The following KCNIP4 variants were observed in gnomAD, a reference collection of about 807,000 sequenced individuals.
KCNIP4 encodes Kv channel-interacting protein 4.
Under a neutral mutation model 34.0 loss-of-function variants are expected in KCNIP4, and 12 were observed. The ratio of observed to expected loss-of-function variants is 0.35; its 90% CI spans 0.23 to 0.57. The LOEUF (loss-of-function observed/expected upper bound fraction) is 0.57. Among genes scored for constraint, KCNIP4 ranks in the 20% least tolerant of loss-of-function variants. KCNIP4 has a pLI of 0.83. For synonymous variants in KCNIP4, 124 were observed against 102.2 expected (o/e 1.21, Z -1.29); for missense variants, 238 against 311.7 (o/e 0.76, Z 1.78).
At chr4:21,216,406 A>T (rs1757579404) in intron 1 of KCNIP4, among the ~76,000 whole-genome samples, 1 of 152,214 alleles carries the variant, frequency 6.6e-6, no homozygotes, top group African/African-American at 2.4e-5. Flanking sequence ...AAGTGTGTTA[A>T]TTGCTGTGAA....
chr4:21,494,311 C>T (rs1732661642), intron 1 of KCNIP4, among the ~76,000 whole-genome samples: 1 of 152,006 alleles, frequency 6.6e-6, no homozygotes, highest in African/African-American at 2.4e-5. Flanking sequence ...TAAGGATTGA[C>T]TTAGAAAATT....
At position 20,869,587 on chromosome 4, in the gene KCNIP4, TG is replaced by T. The variant is rs1447803647; in HGVS notation, c.163+13020del. On this transcript the variant is annotated intron_variant, in intron 2 of 8. Coordinates refer to ENST00000382152, the MANE Select transcript of KCNIP4 (RefSeq NM_025221.6). Reference sequence around the variant, plus strand: ...TTCAGTTCCTCTGAGCTTTCCTTCTTGGGTCTATTTCCCACCTCTGGCTGGA... The same window carrying T: ...TTCAGTTCCTCTGAGCTTTCCTTCTTGGTCTATTTCCCACCTCTGGCTGGA... 2.6e-5 allele frequency among the ~76,000 whole-genome samples: 4 copies of T among 152,198 alleles called. No homozygotes were observed. The East Asian group carries it at 7.7e-4, about 29-fold the overall frequency.
At chr4:20,951,816 T>C (rs1469055110) in intron 1 of KCNIP4, among the ~76,000 whole-genome samples, 3 of 152,186 alleles carry the variant, frequency 2.0e-5, no homozygotes, top group Non-Finnish European at 2.9e-5. Flanking sequence ...GATAGCACAA[T>C]AGATTTTCAA....
At chr4:20,810,537 G>C (rs1052883234) in intron 3 of KCNIP4, among the ~76,000 whole-genome samples, 5 of 152,034 alleles carry the variant, frequency 3.3e-5, no homozygotes, top group African/African-American at 9.7e-5. Context: ...GACTATAGTT[G>C]GATCTGGAAT....
chr4:21,467,110 AC>A (rs1289316328), intron 1 of KCNIP4, among the ~76,000 whole-genome samples: 3 of 148,838 alleles, frequency 2.0e-5, no homozygotes, highest in African/African-American at 5.0e-5. Context: ...ACACACACAC[AC>A]ACACACAAAA....
chr4:21,918,953 T>C (rs1214178920), intron 1 of KCNIP4, among the ~76,000 whole-genome samples: 4 of 152,122 alleles, frequency 2.6e-5, no homozygotes, highest in Non-Finnish European at 5.9e-5. Context: ...GTGAAGTATA[T>C]CCTTACCTAT....
chr4:21,618,289 C>T (rs943925860), intron 1 of KCNIP4, among the ~76,000 whole-genome samples: 14 of 151,894 alleles, frequency 9.2e-5, no homozygotes, highest in Admixed American at 2.0e-4. Context: ...TACTACTGTC[C>T]GGAACAATAC....
chr4:21,368,244 A>T (rs1477747031), intron 1 of KCNIP4, among the ~76,000 whole-genome samples: 2 of 146,906 alleles, frequency 1.4e-5, no homozygotes, highest in Non-Finnish European at 2.9e-5. Context: ...TGTTACACAC[A>T]CACACACACA....
At chr4:21,632,060 T>G (rs375369981) in intron 1 of KCNIP4, among the ~76,000 whole-genome samples, 3 of 152,204 alleles carry the variant, frequency 2.0e-5, no homozygotes, top group African/African-American at 7.2e-5. Flanking sequence ...TTTGAGGACA[T>G]GTACAATTTT....
At chr4:21,690,153 A>C (rs1751160185) in intron 1 of KCNIP4, among the ~76,000 whole-genome samples, 1 of 148,536 alleles carries the variant, frequency 6.7e-6, no homozygotes. Flanking sequence ...ATATATACAC[A>C]CACACATACG....
intron 1 of KCNIP4, among the ~76,000 whole-genome samples, chr4:20,920,713 C>T (rs1266031661): frequency 2.0e-5 from 3 of 152,108 alleles, no homozygotes; most frequent in African/African-American, 7.2e-5. Flanking sequence ...AGCTTGGGGC[C>T]GGGCACGGTG....
intron 1 of KCNIP4, among the ~76,000 whole-genome samples, chr4:20,963,475 A>G (rs1006383342): frequency 3.9e-5 from 6 of 152,172 alleles, no homozygotes; most frequent in Non-Finnish European, 7.3e-5. Context: ...TAACTCTGCT[A>G]TATGTATTTC....
intron 1 of KCNIP4, among the ~76,000 whole-genome samples, chr4:21,577,847 G>A (rs963000539): frequency 1.4e-4 from 22 of 152,092 alleles, no homozygotes; most frequent in African/African-American, 5.1e-4. Flanking sequence ...TCTTTTGCTT[G>A]TCTCTGCTTC....
chr4:20,780,472 A>G (rs1051659779), intron 3 of KCNIP4, among the ~76,000 whole-genome samples: 1 of 152,204 alleles, frequency 6.6e-6, no homozygotes, highest in Non-Finnish European at 1.5e-5. Flanking sequence ...TGAGTATGAT[A>G]CAGAAACTCT....
chr4:20,942,003 A>T (rs1425729913), intron 1 of KCNIP4, among the ~76,000 whole-genome samples: 3 of 152,318 alleles, frequency 2.0e-5, no homozygotes, highest in Non-Finnish European at 4.4e-5. Flanking sequence ...AAAACAGGTT[A>T]AGGTTTCTGG....
At chr4:21,522,539 T>G (rs1384042365) in intron 1 of KCNIP4, among the ~76,000 whole-genome samples, 1 of 151,984 alleles carries the variant, frequency 6.6e-6, no homozygotes, top group African/African-American at 2.4e-5. Context: ...AGTATATTCT[T>G]TATGACTAAT....
chr4:21,595,198 GTTCTC>G (rs1332069349), intron 1 of KCNIP4, among the ~76,000 whole-genome samples: 1 of 151,984 alleles, frequency 6.6e-6, no homozygotes, highest in Non-Finnish European at 1.5e-5. Flanking sequence ...GTGTCCATGT[GTTCTC>G]ACTGTTCAAC....
chr4:21,047,520 A>G (rs892100384), intron 1 of KCNIP4, among the ~76,000 whole-genome samples: 8 of 152,244 alleles, frequency 5.3e-5, no homozygotes, highest in Non-Finnish European at 1.0e-4. Flanking sequence ...GGAGTCACAG[A>G]GACTTGAATG....
intron 8 of KCNIP4, among the ~76,000 whole-genome samples, chr4:20,731,086 C>CT (rs937371437): frequency 2.6e-5 from 4 of 151,992 alleles, no homozygotes; most frequent in Admixed American, 1.3e-4. Context: ...TTCTTTTTTT[C>CT]TTTTTTTAGT....
Sources: allele counts gnomAD v4.1 joint callset (sites outside exome capture counted in the v4.1 genomes callset), GRCh38; gene constraint gnomAD v4.1.1; transcripts MANE v1.5; gene names NCBI Gene and HGNC (gene_info 2026-07-23, HGNC 2026-07-21).